Variants in SPATA31D1 observed in about 807,000 individuals in gnomAD.
SPATA31D1 encodes spermatogenesis-associated protein 31D1.
A neutral mutation model predicts 13.2 loss-of-function variants in SPATA31D1; 6 were observed. That is an observed-to-expected ratio of 0.46 (90% CI 0.25 to 0.90). The LOEUF (loss-of-function observed/expected upper bound fraction) is 0.90. SPATA31D1 is among the 40% of genes least tolerant of loss of function. The pLI, the probability that SPATA31D1 is intolerant of heterozygous loss-of-function variation, is 0.18. For synonymous variants in SPATA31D1, 903 were observed against 718.8 expected, an observed-to-expected ratio of 1.26 and a Z score of -4.10; for missense variants, 2,445 against 1,884.7, an observed-to-expected ratio of 1.30 and a Z score of -5.50.
At position 81,991,234 on chromosome 9, in the gene SPATA31D1, G is replaced by A. The variant is rs779659652; in HGVS notation, c.764G>A (p.Arg255Lys). 68 of 1,613,960 alleles carry A rather than the reference G, an allele frequency of 4.2e-5. No individual in the cohort carries two copies. Among genetic ancestry groups the A allele is most frequent in the East Asian group, 4.0e-4 (18 of 44,874 alleles). Reference protein sequence around the residue: ...FPLLPPHHIERVESSLQPEAS... With the variant: ...FPLLPPHHIEKVESSLQPEAS... ...CTTCTCCCACCACATCACATTGAGA[G>A]AGTGGAGTCCAGCCTCCAACCTGAA... The change falls in exon 4 of 4, where the codon AGA (arginine) becomes AAA (lysine). Residue 255 changes from arginine (R) to lysine (K), a missense_variant. By Grantham distance (26) the Arg-to-Lys change is conservative. Coordinates refer to ENST00000344803, the MANE Select transcript of SPATA31D1 (RefSeq NM_001001670.3).
rs909713392 is a variant in SPATA31D1, at chr9:81,989,046, G to A, written c.186+42G>A. The A allele has an allele frequency of 3.1e-6, 5 of 1,601,758 alleles. No individual in the cohort carries two copies. The African/African-American group carries it at 4.0e-5, about 13-fold the overall frequency. ...GAACACCCAAGAGAGATGCCCTGTT[G>A]TTGTTTCCCAATCCTATTCCAACAT... On this transcript the variant is annotated intron_variant, in intron 1 of 3. Transcript: ENST00000344803.
Position 81,993,759 on chromosome 9 carries a change from G to A in SPATA31D1, c.3289G>A (p.Val1097Ile), listed in dbSNP as rs1321159722. 8.7e-6 allele frequency: 14 copies of A among 1,613,880 alleles called. No individual in the cohort carries two copies. The highest frequency in any genetic ancestry group is 2.2e-5 in the East Asian group (1 of 44,892). Reference protein sequence around the residue: ...QTFLPPPHSIVDEVSQKQTVL... With the variant: ...QTFLPPPHSIIDEVSQKQTVL... Reference sequence around the variant, plus strand: ...TTTTCTGCCCCCGCCACACAGCATCGTAGACGAAGTCAGTCAGAAACAGAC... The same window carrying A: ...TTTTCTGCCCCCGCCACACAGCATCATAGACGAAGTCAGTCAGAAACAGAC... Residue 1097 changes from valine to isoleucine, a missense_variant, in exon 4 of 4, where the codon GTA becomes ATA. Coordinates refer to ENST00000344803, the MANE Select transcript of SPATA31D1 (RefSeq NM_001001670.3).
chr9:81,993,853 A>C lies in SPATA31D1; in HGVS notation c.3383A>C (p.Asp1128Ala). 1 of 1,614,002 alleles carries C rather than the reference A, an allele frequency of 6.2e-7. No individual in the cohort carries two copies. Among genetic ancestry groups the C allele is most frequent in the Non-Finnish European group, 8.5e-7 (1 of 1,179,886 alleles). Residue 1128 changes from aspartate (D) to alanine (A), a missense_variant, in exon 4 of 4, where the codon GAT (aspartate) becomes GCT (alanine). Physicochemically the swap from Asp to Ala is moderately radical, Grantham distance 126. Transcript: ENST00000344803. ...GCTGGAGCTGGCTGTGAGTCATGGG[A>C]TAAGAGAAAGAGTTCCTTTCATAAT... The part of the protein sequence containing the change: ...MQAGAGCESW[D>A]KRKSSFHNVD...
chr9:81,991,450 T>C lies in SPATA31D1; in HGVS notation c.980T>C (p.Met327Thr). Residue 327 changes from methionine to threonine, a missense_variant, in exon 4 of 4, where the codon ATG becomes ACG. By Grantham distance (81) the Met-to-Thr change is moderately conservative. Transcript: ENST00000344803. ...SLTILKTFPE[M>T]LSLGGSGGSS... is the part of the protein sequence containing the mutation. ...ACCATCTTGAAGACTTTTCCGGAAATGTTATCTCTAGGTGGCTCTGGTGGG... is the reference window on the plus strand; with the variant it reads ...ACCATCTTGAAGACTTTTCCGGAAACGTTATCTCTAGGTGGCTCTGGTGGG... 6.2e-7 allele frequency: 1 copy of C among 1,614,026 alleles called. No homozygotes were observed. The highest frequency in any genetic ancestry group is 8.5e-7 in the Non-Finnish European group (1 of 1,179,894).
In SPATA31D1 at chr9:81,992,988, G is replaced by A. The variant is rs568626063; in HGVS notation, c.2518G>A (p.Glu840Lys). ...LTVRLSKKFE[E>K]INEGRMPGTV... ...AGTACGTTTGAGCAAGAAATTTGAG[G>A]AAATCAATGAGGGTCGAATGCCTGG... The change falls in exon 4 of 4, where the codon GAA becomes AAA. Residue 840 changes from glutamate to lysine, a missense_variant. Physicochemically the swap from Glu to Lys is moderately conservative, Grantham distance 56 (BLOSUM62 1). Transcript: ENST00000344803. The A allele has an allele frequency of 9.8e-5, 158 of 1,612,916 alleles. No homozygotes were observed. Among genetic ancestry groups the A allele is most frequent in the Admixed American group, 9.0e-4 (54 of 59,966 alleles).
At position 81,994,022 on chromosome 9, in the gene SPATA31D1, T is replaced by C; in HGVS notation, c.3552T>C (p.Ile1184=). The C allele has an allele frequency of 6.2e-7, 1 of 1,613,744 alleles. No homozygotes were observed. The highest frequency in any genetic ancestry group is 8.5e-7 in the Non-Finnish European group (1 of 1,179,744). ...CAAGCACTTCCAATGAAACTGAAAT[T>C]TTCCCACCAAGAATATCAGTTCCTC... ...VKASTSNETE[I]FPPRISVPQD... The change falls in exon 4 of 4, where the codon ATT becomes ATC. Residue 1184 remains isoleucine, a synonymous_variant. Transcript: ENST00000344803.
chr9:81,992,737 T>C lies in SPATA31D1; in HGVS notation c.2267T>C (p.Phe756Ser), dbSNP rs756521351. 2 of 1,613,792 alleles carry C rather than the reference T, an allele frequency of 1.2e-6. No homozygotes were observed. The highest frequency in any genetic ancestry group is 1.7e-6 in the Non-Finnish European group (2 of 1,179,718). ...TCCGCATCAAGCTTCCCTAGAAGCT[T>C]CCACGAGAGGAGCTCAAATATGCTT... Reference protein sequence around the residue: ...KKSASSFPRSFHERSSNMLSM... With the variant: ...KKSASSFPRSSHERSSNMLSM... Residue 756 changes from phenylalanine to serine, a missense_variant, in exon 4 of 4, where the codon TTC (phenylalanine) becomes TCC (serine). Physicochemically the swap from Phe to Ser is radical, Grantham distance 155. Transcript: ENST00000344803.
At chr9:81,989,631 A>C (rs1312050315) in intron 1 of SPATA31D1, 147 bp from the exon 2 acceptor site, 4 of 944,386 alleles carry the variant, frequency 4.2e-6, no homozygotes, top group Non-Finnish European at 6.2e-6. Flanking sequence ...TATCACCATT[A>C]AAAATTGATA....
rs138409860 is a variant in SPATA31D1 at position 81,992,778 on chromosome 9, G to T, written c.2308G>T (p.Gly770Trp). The T allele has an allele frequency of 9.3e-4, 1,500 of 1,613,790 alleles. 3 individuals carry two copies. Among genetic ancestry groups the T allele is most frequent in the Non-Finnish European group, 1.0e-3 (1,226 of 1,179,724 alleles). ...AAATATGCTTTCCATGGAGAATGTG[G>T]GGAATTATCAGGGATACAGCCAGGA... Reference protein sequence around the residue: ...SSNMLSMENVGNYQGYSQETV... With the variant: ...SSNMLSMENVWNYQGYSQETV... Residue 770 changes from glycine to tryptophan, a missense_variant, in exon 4 of 4, where the codon GGG becomes TGG. Coordinates refer to ENST00000344803, the MANE Select transcript of SPATA31D1 (RefSeq NM_001001670.3).
At position 81,990,913 on chromosome 9, in the gene SPATA31D1, C is replaced by A. The variant is rs1259252130; in HGVS notation, c.443C>A (p.Ser148Tyr). 6.2e-7 allele frequency: 1 copy of A among 1,613,806 alleles called. No homozygotes were observed. Among genetic ancestry groups the A allele is most frequent in the Non-Finnish European group, 8.5e-7 (1 of 1,179,896 alleles). The change falls in exon 4 of 4, where the codon TCC becomes TAC. Residue 148 changes from serine to tyrosine, a missense_variant. Transcript: ENST00000344803. ...ADIQQLLSWESLKDAAPSVSP... is the reference protein window; with the variant it reads ...ADIQQLLSWEYLKDAAPSVSP... ...ATCCAGCAACTGCTGTCTTGGGAGT[C>A]CCTGAAAGATGCTGCTCCCTCTGTG... is the stretch of plus-strand genomic sequence containing the variant.
At position 81,993,874 on chromosome 9, in the gene SPATA31D1, A is replaced by C. The variant is rs552754966; in HGVS notation, c.3404A>C (p.His1135Pro). The C allele has an allele frequency of 6.2e-7, 1 of 1,614,036 alleles. No homozygotes were observed. The highest frequency in any genetic ancestry group is 8.5e-7 in the Non-Finnish European group (1 of 1,179,898). ...ESWDKRKSSFHNVDRLQGSRK... is the reference protein window; with the variant it reads ...ESWDKRKSSFPNVDRLQGSRK... ...TGGGATAAGAGAAAGAGTTCCTTTC[A>C]TAATGTAGACAGGCTTCAGGGCAGT... Residue 1135 changes from histidine (H) to proline (P), a missense_variant, in exon 4 of 4, where the codon CAT (histidine) becomes CCT (proline). Transcript: ENST00000344803.
At position 81,994,613 on chromosome 9, in the gene SPATA31D1, G is replaced by A; in HGVS notation, c.4143G>A (p.Leu1381=). ...GTTCCTGGGAAAAGGGTAGCTCCCT[G>A]TCATCATGTGTGCAGAATATTGGTC... ...QESSWEKGSS[L]SSCVQNIGRV... The change falls in exon 4 of 4, where the codon CTG becomes CTA. Residue 1381 remains leucine (L), a synonymous_variant. Coordinates refer to ENST00000344803, the MANE Select transcript of SPATA31D1 (RefSeq NM_001001670.3). The A allele has an allele frequency of 6.2e-7, 1 of 1,613,036 alleles. No individual in the cohort carries two copies. Among genetic ancestry groups the A allele is most frequent in the East Asian group, 2.2e-5 (1 of 44,874 alleles).
Position 81,991,334 on chromosome 9 carries a change from C to T in SPATA31D1, c.864C>T (p.Pro288=). The change falls in exon 4 of 4, where the codon CCC becomes CCT. Residue 288 remains proline, a synonymous_variant. Transcript: ENST00000344803. ...AAGATATTTCGCAGGCCATGAATCCCATTGATTCTTGTGCTCGTCATCACG... is the reference window on the plus strand; with the variant it reads ...AAGATATTTCGCAGGCCATGAATCCTATTGATTCTTGTGCTCGTCATCACG... The part of the protein sequence containing the change: ...LCQDISQAMN[P]IDSCARHHGP... 1 of 1,614,072 alleles carries T rather than the reference C, an allele frequency of 6.2e-7. No individual in the cohort carries two copies. The highest frequency in any genetic ancestry group is 8.5e-7 in the Non-Finnish European group (1 of 1,179,906).
Position 81,993,884 on chromosome 9 carries a change from C to G in SPATA31D1, c.3414C>G (p.Asp1138Glu). 1 of 1,613,968 alleles carries G rather than the reference C, an allele frequency of 6.2e-7. No homozygotes were observed. Among genetic ancestry groups the G allele is most frequent in the Non-Finnish European group, 8.5e-7 (1 of 1,179,880 alleles). The change falls in exon 4 of 4, where the codon GAC becomes GAG. Residue 1138 changes from aspartate to glutamate, a missense_variant. Transcript: ENST00000344803. ...GAAAGAGTTCCTTTCATAATGTAGA[C>G]AGGCTTCAGGGCAGTAGAAAGACCT... Reference protein sequence around the residue: ...DKRKSSFHNVDRLQGSRKTFP... With the variant: ...DKRKSSFHNVERLQGSRKTFP...
chr9:81,993,292 A>T lies in SPATA31D1; in HGVS notation c.2822A>T (p.His941Leu). ...SKADLSTSFS[H>L]FDLPSSATFI... ...GCGGACCTTTCCACTTCCTTTTCCC[A>T]TTTCGACCTTCCCTCCTCAGCCACC... Residue 941 changes from histidine (H) to leucine (L), a missense_variant, in exon 4 of 4, where the codon CAT (histidine) becomes CTT (leucine). By Grantham distance (99) the His-to-Leu change is moderately conservative. Coordinates refer to ENST00000344803, the MANE Select transcript of SPATA31D1 (RefSeq NM_001001670.3). 6.2e-7 allele frequency: 1 copy of T among 1,613,888 alleles called. No individual in the cohort carries two copies. The highest frequency in any genetic ancestry group is 2.2e-5 in the East Asian group (1 of 44,856).
chr9:81,989,472 A>T (rs1207348905), intron 1 of SPATA31D1, among the ~76,000 whole-genome samples: 1 of 152,138 alleles, frequency 6.6e-6, no homozygotes, highest in Non-Finnish European at 1.5e-5. Flanking sequence ...TGTCTCCGTG[A>T]CACTTGTCCC....
At position 81,994,336 on chromosome 9, in the gene SPATA31D1, C is replaced by A. The variant is rs929757278; in HGVS notation, c.3866C>A (p.Pro1289Gln). The change falls in exon 4 of 4, where the codon CCA becomes CAA. Residue 1289 changes from proline to glutamine, a missense_variant. Physicochemically the swap from Pro to Gln is moderately conservative, Grantham distance 76. Transcript: ENST00000344803. Reference sequence around the variant, plus strand: ...AAGTGTCAAGTTACGAATTTCCCACCAGCTGTAAACAGAGTGAGTCCTGTG... The same window carrying A: ...AAGTGTCAAGTTACGAATTTCCCACAAGCTGTAAACAGAGTGAGTCCTGTG... ...LQKCQVTNFP[P>Q]AVNRVSPVRP... 1 of 1,613,918 alleles carries A rather than the reference C, an allele frequency of 6.2e-7. No homozygotes were observed. The highest frequency in any genetic ancestry group is 8.5e-7 in the Non-Finnish European group (1 of 1,179,856).
chr9:81,994,367 C>T lies in SPATA31D1; in HGVS notation c.3897C>T (p.Pro1299=). The T allele has an allele frequency of 2.5e-6, 4 of 1,613,864 alleles. No individual in the cohort carries two copies. Among genetic ancestry groups the T allele is most frequent in the Non-Finnish European group, 3.4e-6 (4 of 1,179,850 alleles). Residue 1299 remains proline, a synonymous_variant, in exon 4 of 4, where the codon CCC becomes CCT. Coordinates refer to ENST00000344803, the MANE Select transcript of SPATA31D1 (RefSeq NM_001001670.3). The part of the protein sequence containing the change: ...PAVNRVSPVR[P]KGGELDGGDA... Reference sequence around the variant, plus strand: ...TAAACAGAGTGAGTCCTGTGAGACCCAAAGGAGGAGAGCTTGATGGAGGGG... The same window carrying T: ...TAAACAGAGTGAGTCCTGTGAGACCTAAAGGAGGAGAGCTTGATGGAGGGG...
At position 81,993,400 on chromosome 9, in the gene SPATA31D1, C is replaced by A; in HGVS notation, c.2930C>A (p.Thr977Lys). ...TTTCAAGGAGAAAAGTTGGGAACAA[C>A]AAGCTCAGTCCCCATCCTTGATCGT... ...STFQGEKLGT[T>K]SSVPILDRPH... The change falls in exon 4 of 4, where the codon ACA becomes AAA. Residue 977 changes from threonine to lysine, a missense_variant. Coordinates refer to ENST00000344803, the MANE Select transcript of SPATA31D1 (RefSeq NM_001001670.3). The A allele has an allele frequency of 6.2e-7, 1 of 1,613,998 alleles. No individual in the cohort carries two copies. The highest frequency in any genetic ancestry group is 8.5e-7 in the Non-Finnish European group (1 of 1,179,912).
Sources: gnomAD v4.1 joint callset for allele counts (sites outside exome capture counted in the v4.1 genomes callset) on GRCh38, gnomAD v4.1.1 for gene constraint, MANE v1.5 for transcripts, NCBI Gene and HGNC (gene_info 2026-07-23, HGNC 2026-07-21) for gene names.